Variants in DNAH11 observed in about 807,000 individuals in gnomAD.
DNAH11 encodes axonemal beta dynein heavy chain 11.
Under a neutral mutation model 526.0 loss-of-function variants are expected in DNAH11, and 442 were observed. The ratio of observed to expected loss-of-function variants is 0.84; its 90% CI spans 0.78 to 0.91. The LOEUF is 0.91. Ranked by LOEUF, DNAH11 falls within the 40% of genes least tolerant of loss-of-function variation. The probability of loss-of-function intolerance (pLI) is 0.00; values close to 1 mark genes in which losing one functional copy is unlikely to be tolerated. For synonymous variants in DNAH11, 2,461 were observed against 1,935.9 expected, an observed-to-expected ratio of 1.27 and a Z score of -7.12; for missense variants, 6,989 against 5,448.7, an observed-to-expected ratio of 1.28 and a Z score of -8.90.
intron 55 of DNAH11, among the ~76,000 whole-genome samples, chr7:21,768,483 T>C (rs780084804): frequency 3.1e-4 from 47 of 152,148 alleles, no homozygotes; most frequent in Non-Finnish European, 6.2e-4. Flanking sequence ...AGGAGTGAGA[T>C]GTTTGTTGGA....
chr7:21,547,412 C>T (rs1294422902), intron 2 of DNAH11, among the ~76,000 whole-genome samples: 6 of 152,196 alleles, frequency 3.9e-5, no homozygotes, highest in Admixed American at 6.5e-5. Flanking sequence ...CTTGCAAGAT[C>T]GGGTGTTTAG....
intron 35 of DNAH11, among the ~76,000 whole-genome samples, chr7:21,691,519 C>G (rs1783629407): frequency 6.6e-6 from 1 of 152,060 alleles, no homozygotes; most frequent in Admixed American, 6.6e-5. Context: ...CCTGAGGGCC[C>G]TGGTCCAGAA....
chr7:21,736,883 T>C (rs1179378002), intron 46 of DNAH11, among the ~76,000 whole-genome samples: 1 of 152,214 alleles, frequency 6.6e-6, no homozygotes, highest in Non-Finnish European at 1.5e-5. Flanking sequence ...TTACCTACTT[T>C]TTCCCAAGCA....
chr7:21,749,621 C>T, intron 52 of DNAH11, 57 bp from the exon 53 acceptor site: 3 of 1,600,720 alleles, frequency 1.9e-6, no homozygotes, highest in Middle Eastern at 1.7e-4. Context: ...TCACACACAA[C>T]CTCTCAACGC....
chr7:21,663,551 T>A (rs112831913), intron 30 of DNAH11, among the ~76,000 whole-genome samples: 15,011 of 152,184 alleles, frequency 0.099, 1,036 homozygotes, highest in African/African-American at 0.2. Flanking sequence ...GGTTTTAATT[T>A]GCATTTCCCT....
At chr7:21,620,446 T>C (rs1267648704) in intron 25 of DNAH11, among the ~76,000 whole-genome samples, 1 of 152,168 alleles carries the variant, frequency 6.6e-6, no homozygotes, top group African/African-American at 2.4e-5. Flanking sequence ...TCAACTTTTT[T>C]AGATTCCACG....
chr7:21,756,705 C>T (rs1398636973), intron 54 of DNAH11, among the ~76,000 whole-genome samples: 2 of 151,974 alleles, frequency 1.3e-5, no homozygotes, highest in East Asian at 3.9e-4. Flanking sequence ...GGATATTTTT[C>T]CAGATATCCT....
chr7:21,558,932 G>C lies in DNAH11; in HGVS notation c.626G>C (p.Arg209Thr). 6.3e-7 allele frequency: 1 copy of C among 1,597,676 alleles called. No homozygotes were observed. Residue 209 changes from arginine to threonine, a missense_variant, in exon 3 of 82, where the codon AGA becomes ACA. Arg to Thr is a moderately conservative substitution (Grantham distance 71, BLOSUM62 -1). Coordinates refer to ENST00000409508, the MANE Select transcript of DNAH11 (RefSeq NM_001277115.2). ...ATTTTTAGGGGCAAAATGTCTAGAA[G>C]AACTCTTCTACCAATTCCCACTGTT... ...MYIFRGKMSR[R>T]TLLPIPTVAG...
rs147688393 is a variant in DNAH11 at position 21,684,845 on chromosome 7, A to G, written c.5621+901A>G. 3.4e-4 allele frequency among the ~76,000 whole-genome samples: 52 copies of G among 152,356 alleles called. No individual in the cohort carries two copies. The East Asian group carries it at 9.1e-3, about 27-fold the overall frequency. On this transcript the variant is annotated intron_variant, in intron 32 of 81. Coordinates refer to ENST00000409508, the MANE Select transcript of DNAH11 (RefSeq NM_001277115.2). ...CGGGAATTTCTTTGTTAGTATTCCA[A>G]TCTCTGCTGACCTGTTTGATGGGAG...
intron 44 of DNAH11, among the ~76,000 whole-genome samples, chr7:21,722,414 C>T (rs1186986212): frequency 6.6e-6 from 1 of 152,066 alleles, no homozygotes; most frequent in East Asian, 1.9e-4. Context: ...CTTGCTCTTT[C>T]CAGGTGTAAA....
chr7:21,737,970 GT>G (rs1388887780), intron 46 of DNAH11, among the ~76,000 whole-genome samples: 1 of 151,894 alleles, frequency 6.6e-6, no homozygotes, highest in Non-Finnish European at 1.5e-5. Flanking sequence ...TCATTTATTT[GT>G]TTGCTCATTT....
Position 21,789,808 on chromosome 7 carries a change from T to TCTTCTTTCTTTCTTTCTTTC in DNAH11, c.10026+466_10026+467insCTTCTTTCTTTCTTTCTTTC. Among the ~76,000 whole-genome samples the TCTTCTTTCTTTCTTTCTTTC allele has an allele frequency of 4.0e-3, 135 of 34,132 alleles. 1 individual carries two copies. Among genetic ancestry groups the TCTTCTTTCTTTCTTTCTTTC allele is most frequent in the African/African-American group, 0.01 (132 of 12,672 alleles). The allele number at this position is 34,132 out of a possible 152,430, so 22.4% of individuals were successfully genotyped here. ...TTCTTTCTTTCTTTCTTTCTTTCTTTTTTCTTTCTTTCTTTCTTTCTTTCT... is the reference window on the plus strand; with the variant it reads ...TTCTTTCTTTCTTTCTTTCTTTCTTTCTTCTTTCTTTCTTTCTTTCTTTCTTTCTTTCTTTCTTTCTTTCT... On this transcript the variant is annotated intron_variant, in intron 61 of 81. Coordinates refer to ENST00000409508, the MANE Select transcript of DNAH11 (RefSeq NM_001277115.2).
At chr7:21,636,480 A>C (rs1045872120) in intron 26 of DNAH11, among the ~76,000 whole-genome samples, 1 of 152,134 alleles carries the variant, frequency 6.6e-6, no homozygotes, top group African/African-American at 2.4e-5. Flanking sequence ...CACACCTATA[A>C]TCCCAGCCTT....
At chr7:21,645,195 G>A (rs1029266293) in intron 28 of DNAH11, among the ~76,000 whole-genome samples, 3 of 152,216 alleles carry the variant, frequency 2.0e-5, no homozygotes, top group African/African-American at 7.2e-5. Context: ...CCCTTCTGTG[G>A]AATCTGAAAT....
intron 29 of DNAH11, among the ~76,000 whole-genome samples, chr7:21,657,880 C>T (rs917769027): frequency 2.6e-5 from 4 of 152,138 alleles, no homozygotes; most frequent in African/African-American, 9.7e-5. Context: ...TCACTCCATT[C>T]CAATTCTTCA....
At chr7:21,568,754 C>T (rs1302259994) in intron 6 of DNAH11, among the ~76,000 whole-genome samples, 1 of 152,146 alleles carries the variant, frequency 6.6e-6, no homozygotes, top group Admixed American at 6.5e-5. Flanking sequence ...CAGGGGGCTG[C>T]TGAAGCAGAA....
rs536871562 is a variant in DNAH11, at chr7:21,726,718, G to A, written c.7440+734G>A. Among the ~76,000 whole-genome samples, 23 of 150,234 alleles carry A rather than the reference G, an allele frequency of 1.5e-4. No individual in the cohort carries two copies. The South Asian group carries it at 3.6e-3, about 24-fold the overall frequency. ...CTACTAAAAATACAAAAAATTAGCC[G>A]GGTGTGGTGGCGGGCGCCTGTAGTC... is the stretch of plus-strand genomic sequence containing the variant. On this transcript the variant is annotated intron_variant, in intron 45 of 81. Coordinates refer to ENST00000409508, the MANE Select transcript of DNAH11 (RefSeq NM_001277115.2).
At chr7:21,589,031 T>A (rs1307132622) in intron 11 of DNAH11, among the ~76,000 whole-genome samples, 177 bp from the exon 12 acceptor site, 1 of 152,174 alleles carries the variant, frequency 6.6e-6, no homozygotes, top group African/African-American at 2.4e-5. Flanking sequence ...TTCATTCATC[T>A]TATAACTTTA....
At chr7:21,895,534 G>T (rs1349925852) in intron 79 of DNAH11, among the ~76,000 whole-genome samples, 1 of 152,140 alleles carries the variant, frequency 6.6e-6, no homozygotes, top group African/African-American at 2.4e-5. Flanking sequence ...TGTAATCTGT[G>T]CTGATGTTAC....
Sources: gnomAD v4.1 joint callset for allele counts (sites outside exome capture counted in the v4.1 genomes callset) on GRCh38, gnomAD v4.1.1 for gene constraint, MANE v1.5 for transcripts, NCBI Gene and HGNC (gene_info 2026-07-23, HGNC 2026-07-21) for gene names.